The following TMED10 variants were observed in gnomAD, a reference collection of about 807,000 sequenced individuals.
TMED10 encodes transmembrane emp24 domain-containing protein 10.
TMED10 carries 7 observed loss-of-function variants against 23.1 expected under a neutral mutation model. The ratio of observed to expected loss-of-function variants is 0.30; its 90% CI spans 0.17 to 0.57. The LOEUF is 0.57. Ranked by LOEUF, TMED10 falls within the 20% of genes least tolerant of loss-of-function variation. TMED10 has a pLI of 0.91. For missense variants in TMED10, 162 were observed against 274.8 expected, an observed-to-expected ratio of 0.59 and a Z score of 2.90; for synonymous variants, 113 against 106.9, an observed-to-expected ratio of 1.06 and a Z score of -0.35.
intron 1 of TMED10, 79 bp downstream of exon 1, chr14:75,176,276 C>T (rs113204572): frequency 6.4e-7 from 1 of 1,561,804 alleles, no homozygotes; most frequent in East Asian, 2.3e-5. Context: ...CTCCGCCGGC[C>T]CGACTCCCCC....
rs1895727664 is a variant in TMED10, at chr14:75,134,794, G to A, written c.*91C>T. ...CAAGAAAGCTCCAACGTGCCTTGATGGTGCTGTTGGTAGGATGCCTTAGGC... is the reference window on the plus strand; with the variant it reads ...CAAGAAAGCTCCAACGTGCCTTGATAGTGCTGTTGGTAGGATGCCTTAGGC... On this transcript the variant is annotated 3_prime_UTR_variant, in exon 5 of 5. Coordinates refer to ENST00000303575, the MANE Select transcript of TMED10 (RefSeq NM_006827.6). The A allele has an allele frequency of 2.6e-6, 4 of 1,556,478 alleles. No individual in the cohort carries two copies. In the South Asian group the frequency reaches 3.4e-5, roughly 13 times the overall value.
chr14:75,136,405 C>T (rs550298540), intron 3 of TMED10, among the ~76,000 whole-genome samples: 35 of 152,290 alleles, frequency 2.3e-4, no homozygotes, highest in East Asian at 1.5e-3. Flanking sequence ...GCAATCTGTC[C>T]GCCTTGGCCT....
chr14:75,140,246 A>G (rs1019517407), intron 3 of TMED10, among the ~76,000 whole-genome samples: 4 of 152,090 alleles, frequency 2.6e-5, no homozygotes, highest in Admixed American at 2.6e-4. Flanking sequence ...GATTACAGGC[A>G]CGTGCCACCA....
rs1895710950 is a variant in TMED10, at chr14:75,133,392, T to G, written c.*1493A>C. 1 of 152,168 alleles carries G rather than the reference T, an allele frequency of 6.6e-6. No homozygotes were observed. Among genetic ancestry groups the G allele is most frequent in the African/African-American group, 2.4e-5 (1 of 41,440 alleles). 9.4% of individuals were successfully genotyped at this position (152,168 alleles called of 1,614,324 possible). A position where few individuals can be genotyped will look rare whatever the true frequency, so the allele number is the denominator to read the frequency against. ...GGCAAATTAGCACACAAAAAGATAC[T>G]CAACATCATTAGCCATTGGAAATGC... On this transcript the variant is annotated 3_prime_UTR_variant, in exon 5 of 5. Transcript: ENST00000303575.
intron 1 of TMED10, among the ~76,000 whole-genome samples, chr14:75,172,002 T>A (rs1423740277): frequency 6.6e-6 from 1 of 152,022 alleles, no homozygotes; most frequent in Non-Finnish European, 1.5e-5. Context: ...TACATAGGTA[T>A]ACGTGTGCCA....
At chr14:75,152,204 A>C in intron 1 of TMED10, 61 bp from the exon 2 acceptor site, 2 of 1,357,386 alleles carry the variant, frequency 1.5e-6, no homozygotes, top group Non-Finnish European at 2.1e-6. Context: ...GAACTTACAG[A>C]AACTGGGAAG....
rs1202358561 is a variant in TMED10, at chr14:75,132,564, T to G, written c.*2321A>C. 6.6e-6 allele frequency: 1 copy of G among 152,008 alleles called. No homozygotes were observed. Among genetic ancestry groups the G allele is most frequent in the Non-Finnish European group, 1.5e-5 (1 of 68,044 alleles). 9.4% of individuals were successfully genotyped at this position (152,008 alleles called of 1,614,324 possible). On this transcript the variant is annotated 3_prime_UTR_variant, in exon 5 of 5. Coordinates refer to ENST00000303575, the MANE Select transcript of TMED10 (RefSeq NM_006827.6). ...TCTCAGAAGCAGTACCTACCAATTC[T>G]CAACAGCAGATGGCAATGTTGTACA...
At chr14:75,147,185 G>GTTTCTTTTTTTTTTTTT (rs1895894831) in intron 3 of TMED10, among the ~76,000 whole-genome samples, 1 of 116,634 alleles carries the variant, frequency 8.6e-6, no homozygotes, top group Non-Finnish European at 1.7e-5. Context: ...CTTCAAGGCT[G>GTTTCTTTTTTTTTTTTT]TTTTTTTTTT....
intron 3 of TMED10, among the ~76,000 whole-genome samples, chr14:75,137,946 T>C (rs1895773764): frequency 6.6e-6 from 1 of 152,072 alleles, no homozygotes; most frequent in Non-Finnish European, 1.5e-5. Context: ...TAACCTCAGG[T>C]GATCCATCCA....
At chr14:75,171,929 C>CT (rs918924697) in intron 1 of TMED10, among the ~76,000 whole-genome samples, 3,467 of 143,048 alleles carry the variant, frequency 0.024, 90 homozygotes, top group African/African-American at 0.066. Context: ...CTGGTTACAT[C>CT]TTTTTTTTTT....
chr14:75,173,315 G>A (rs1168151531), intron 1 of TMED10, among the ~76,000 whole-genome samples: 2 of 151,972 alleles, frequency 1.3e-5, no homozygotes, highest in Non-Finnish European at 2.9e-5. Context: ...TGGGCCCTGA[G>A]GAGGTCAAGG....
chr14:75,150,770 G>A (rs181970935), intron 2 of TMED10, among the ~76,000 whole-genome samples: 146 of 152,258 alleles, frequency 9.6e-4, no homozygotes, highest in African/African-American at 3.2e-3. Context: ...CAGAATGGTC[G>A]AGTCCAGACT....
rs1178673683 is a variant in TMED10 at position 75,147,780 on chromosome 14, A to G, written c.338-43T>C. Reference sequence around the variant, plus strand: ...GGAATCATTGTGTGAAATACTTAAAATTCTGGGAAATTACCCACCCACCCG... The same window carrying G: ...GGAATCATTGTGTGAAATACTTAAAGTTCTGGGAAATTACCCACCCACCCG... On this transcript the variant is annotated intron_variant, in intron 2 of 4. Coordinates refer to ENST00000303575, the MANE Select transcript of TMED10 (RefSeq NM_006827.6). 1.1e-5 allele frequency: 18 copies of G among 1,606,830 alleles called. No homozygotes were observed. The South Asian group carries it at 1.9e-4, about 17-fold the overall frequency.
chr14:75,165,714 T>C (rs972257552), intron 1 of TMED10, among the ~76,000 whole-genome samples: 1 of 152,216 alleles, frequency 6.6e-6, no homozygotes, highest in Non-Finnish European at 1.5e-5. Context: ...CAGAACAAAG[T>C]CAAACTTAGC....
rs529284888 is a variant in TMED10 at position 75,136,426 on chromosome 14, T to A, written c.412-540A>T. On this transcript the variant is annotated intron_variant, in intron 3 of 4. Transcript: ENST00000303575. ...TGTCCGCCTTGGCCTCCCAAAGTGT[T>A]GGGACTACAAGTGTGAGCCACCATG... Among the ~76,000 whole-genome samples the A allele has an allele frequency of 3.9e-5, 6 of 152,348 alleles. No individual in the cohort carries two copies. In the South Asian group the frequency reaches 1.2e-3, roughly 32 times the overall value.
intron 1 of TMED10, among the ~76,000 whole-genome samples, chr14:75,174,554 T>C (rs1011687825): frequency 2.6e-5 from 4 of 152,138 alleles, no homozygotes; most frequent in Non-Finnish European, 2.9e-5. Flanking sequence ...TCTAAAATCA[T>C]GCCATCACTA....
rs75832451 is a variant in TMED10, at chr14:75,152,847, C to T, written c.226-704G>A. ...CAAGAGTTCAAGACCTGGCTGGGCG[C>T]GGTGGCTCACGCCTGTAATCCCAGC... On this transcript the variant is annotated intron_variant, in intron 1 of 4. Transcript: ENST00000303575. Among the ~76,000 whole-genome samples, 1,369 of 151,996 alleles carry T rather than the reference C, an allele frequency of 9.0e-3. 25 individuals are homozygous for T. The highest frequency in any genetic ancestry group is 0.032 in the African/African-American group (1,317 of 41,474).
chr14:75,168,916 G>C (rs1241296461), intron 1 of TMED10, among the ~76,000 whole-genome samples: 1 of 152,140 alleles, frequency 6.6e-6, no homozygotes, highest in Non-Finnish European at 1.5e-5. Context: ...TTTTGGTGAG[G>C]GGGAAAAAAG....
At chr14:75,152,322 C>T (rs529560668) in intron 1 of TMED10, among the ~76,000 whole-genome samples, 179 bp from the exon 2 acceptor site, 1 of 152,320 alleles carries the variant, frequency 6.6e-6, no homozygotes, top group Admixed American at 6.5e-5. Context: ...CCAAATACAG[C>T]AAATTTCATC....
Sources: gnomAD v4.1 joint callset for allele counts (sites outside exome capture counted in the v4.1 genomes callset) on GRCh38, gnomAD v4.1.1 for gene constraint, MANE v1.5 for transcripts, NCBI Gene and HGNC (gene_info 2026-07-23, HGNC 2026-07-21) for gene names.